CDK15: variants seen among roughly 807,000 people sequenced by gnomAD.
CDK15 encodes cyclin dependent kinase 15.
Under a neutral mutation model 60.3 loss-of-function variants are expected in CDK15, and 62 were observed. The observed-to-expected ratio is 1.03, with a 90% CI of 0.84 to 1.27. The LOEUF (loss-of-function observed/expected upper bound fraction) is 1.27. Ranked by LOEUF, CDK15 falls within the 50% of genes most tolerant of loss-of-function variation. The probability of loss-of-function intolerance (pLI) is 0.00; values close to 1 mark genes in which losing one functional copy is unlikely to be tolerated. For missense variants in CDK15, 541 were observed against 527.8 expected (o/e 1.03, Z -0.25); for synonymous variants, 194 against 195.7 (o/e 0.99, Z 0.07).
At position 201,858,817 on chromosome 2, in the gene CDK15, T is replaced by G. The variant is rs562423807; in HGVS notation, c.1009+3880T>G. Among the ~76,000 whole-genome samples, 83 of 151,908 alleles carry G rather than the reference T, an allele frequency of 5.5e-4. 1 individual carries two copies. Among genetic ancestry groups the G allele is most frequent in the African/African-American group, 1.9e-3 (80 of 41,480 alleles). On this transcript the variant is annotated intron_variant, in intron 10 of 13. Coordinates refer to ENST00000652192, the MANE Select transcript of CDK15 (RefSeq NM_001366386.2). ...TGAAAAAAGAGGGAGGAGAAAAAAG[T>G]GTTTTGAGTAAGAGGTTTACAGGTT... is the stretch of plus-strand genomic sequence containing the variant.
intron 1 of CDK15, among the ~76,000 whole-genome samples, 159 bp from the exon 2 acceptor site, chr2:201,807,335 T>G (rs547028773): frequency 1.3e-5 from 2 of 152,302 alleles, no homozygotes; most frequent in East Asian, 3.9e-4. Context: ...ATTATGGTCT[T>G]TTTCAGGGAT....
intron 11 of CDK15, among the ~76,000 whole-genome samples, chr2:201,877,106 G>C (rs1022535074): frequency 1.3e-5 from 2 of 152,158 alleles, no homozygotes; most frequent in African/African-American, 2.4e-5. Context: ...CAAATAACCT[G>C]TTCTTATAAG....
chr2:201,839,846 C>T (rs1192747798), intron 8 of CDK15, among the ~76,000 whole-genome samples: 1 of 152,080 alleles, frequency 6.6e-6, no homozygotes, highest in African/African-American at 2.4e-5. Flanking sequence ...GAAATCCTTG[C>T]TGTTTCATCA....
At position 201,890,769 on chromosome 2, in the gene CDK15, C is replaced by T; in HGVS notation, c.1199-16C>T. 13 of 1,577,008 alleles carry T rather than the reference C, an allele frequency of 8.2e-6. No homozygotes were observed. The highest frequency in any genetic ancestry group is 1.0e-5 in the Non-Finnish European group (12 of 1,152,336). ...GGAAATAACATATTGGTGCTTCTCT[C>T]TTTTCATTCCTACAGAGGAGTCTTT... On this transcript the variant is annotated splice_polypyrimidine_tract_variant and intron_variant, in intron 12 of 13. Coordinates refer to ENST00000652192, the MANE Select transcript of CDK15 (RefSeq NM_001366386.2).
intron 4 of CDK15, among the ~76,000 whole-genome samples, chr2:201,820,200 G>A (rs1306416820): frequency 6.6e-6 from 1 of 151,932 alleles, no homozygotes; most frequent in African/African-American, 2.4e-5. Context: ...TAGGGGTGGG[G>A]GAAAGAGAGA....
At chr2:201,839,187 AT>A (rs901392137) in intron 8 of CDK15, among the ~76,000 whole-genome samples, 3 of 151,556 alleles carry the variant, frequency 2.0e-5, no homozygotes, top group South Asian at 2.1e-4. Flanking sequence ...TGAATATTTC[AT>A]TTTTTTTAAT....
chr2:201,892,795 GAATTT>G (rs1699677945), intron 13 of CDK15, among the ~76,000 whole-genome samples: 1 of 152,222 alleles, frequency 6.6e-6, no homozygotes, highest in African/African-American at 2.4e-5. Flanking sequence ...CCAGTGAATT[GAATTT>G]ATGTTAAAAT....
intron 7 of CDK15, 40 bp from the exon 8 acceptor site, chr2:201,835,603 G>A (rs1696970208): frequency 2.0e-6 from 3 of 1,530,294 alleles, no homozygotes; most frequent in Non-Finnish European, 2.7e-6. Flanking sequence ...GCAAGCCAAG[G>A]TCCAGAACGA....
At chr2:201,860,928 C>G in intron 10 of CDK15, 1 of 1,311,764 alleles carries the variant, frequency 7.6e-7, no homozygotes, top group Non-Finnish European at 1.0e-6. Context: ...TGATAAAGAG[C>G]TATTCTGCTT....
chr2:201,889,762 A>G (rs1049119429), intron 12 of CDK15, among the ~76,000 whole-genome samples: 4 of 152,052 alleles, frequency 2.6e-5, no homozygotes, highest in Admixed American at 2.6e-4. Context: ...ATATAAATAG[A>G]TTGCCAGCCA....
At chr2:201,833,819 T>C in intron 6 of CDK15, 29 bp from the exon 7 acceptor site, 1 of 1,601,900 alleles carries the variant, frequency 6.2e-7, no homozygotes, top group Middle Eastern at 1.7e-4. Flanking sequence ...GGCTCAAATC[T>C]CCTTATGGAT....
At chr2:201,858,353 C>T (rs867525848) in intron 10 of CDK15, among the ~76,000 whole-genome samples, 5 of 150,762 alleles carry the variant, frequency 3.3e-5, no homozygotes, top group Middle Eastern at 3.4e-3. Flanking sequence ...CCCTCCCTCC[C>T]TTCCTTCCTT....
intron 3 of CDK15, among the ~76,000 whole-genome samples, chr2:201,811,670 G>T (rs1023153297): frequency 1.3e-5 from 2 of 152,212 alleles, no homozygotes; most frequent in African/African-American, 2.4e-5. Flanking sequence ...TGAAGAGAGA[G>T]AGAATAATGG....
chr2:201,837,423 AGGGAGGAAGGGAAGGAAGGAAGGAAAGG>A (rs1697158390), intron 8 of CDK15, among the ~76,000 whole-genome samples: 2 of 80,072 alleles, frequency 2.5e-5, no homozygotes, highest in African/African-American at 1.0e-4. Flanking sequence ...GGAGGGAGGG[AGGGAGGAAGGGAAGGAAGGAAGGAAAGG>A]AAGGAAGGAA....
At chr2:201,880,662 G>A (rs1699243373) in intron 12 of CDK15, among the ~76,000 whole-genome samples, 1 of 152,200 alleles carries the variant, frequency 6.6e-6, no homozygotes, top group African/African-American at 2.4e-5. Context: ...TGGGGGAAGG[G>A]AGGTCTCCTC....
chr2:201,845,754 C>T (rs1697625862), intron 8 of CDK15, among the ~76,000 whole-genome samples: 1 of 150,888 alleles, frequency 6.6e-6, no homozygotes, highest in South Asian at 2.1e-4. Context: ...AAATTTCGTT[C>T]TTTATCATGC....
chr2:201,883,842 G>A (rs1699364990), intron 12 of CDK15, among the ~76,000 whole-genome samples: 1 of 152,170 alleles, frequency 6.6e-6, no homozygotes, highest in Non-Finnish European at 1.5e-5. Context: ...TAGGCCCTTG[G>A]CAACTCTCTA....
In CDK15 at chr2:201,828,022, C is replaced by T. The variant is rs140500603; in HGVS notation, c.606+4295C>T. Among the ~76,000 whole-genome samples, 169 of 152,298 alleles carry T rather than the reference C, an allele frequency of 1.1e-3. 1 individual carries two copies. The highest frequency in any genetic ancestry group is 3.8e-3 in the African/African-American group (157 of 41,568). On this transcript the variant is annotated intron_variant, in intron 6 of 13. Coordinates refer to ENST00000652192, the MANE Select transcript of CDK15 (RefSeq NM_001366386.2). ...AAAATCAGTAACAAAGAAGAGTTCA[C>T]CTCTTGGTAATGTGAGCATGAGGAG...
At chr2:201,888,631 G>A in intron 12 of CDK15, 1 of 1,404,364 alleles carries the variant, frequency 7.1e-7, no homozygotes, top group Non-Finnish European at 9.2e-7. Context: ...CTATGAGTTG[G>A]GAAGGAGAGT....
Sources: allele counts gnomAD v4.1 joint callset (sites outside exome capture counted in the v4.1 genomes callset), GRCh38; gene constraint gnomAD v4.1.1; transcripts MANE v1.5; gene names NCBI Gene and HGNC (gene_info 2026-07-23, HGNC 2026-07-21).